The following KDM6A variants were observed in gnomAD, a reference collection of about 807,000 sequenced individuals.
KDM6A encodes the protein lysine-specific demethylase 6A.
KDM6A carries 11 observed loss-of-function variants against 117.6 expected under a neutral mutation model. The observed-to-expected ratio is 0.09, with a 90% CI of 0.06 to 0.15. The LOEUF (loss-of-function observed/expected upper bound fraction) is 0.15. KDM6A is among the 10% of genes least tolerant of loss of function. The probability of loss-of-function intolerance (pLI) is 1.00; values close to 1 mark genes in which losing one functional copy is unlikely to be tolerated. For synonymous variants in KDM6A, 384 were observed against 396.1 expected, an observed-to-expected ratio of 0.97 and a Z score of 0.36; for missense variants, 799 against 1,077.3, an observed-to-expected ratio of 0.74 and a Z score of 3.62.
At position 45,047,684 on chromosome X, in the gene KDM6A, T is replaced by C. The variant is rs547260536; in HGVS notation, c.655-4025T>C. Among the ~76,000 whole-genome samples, 16 of 66,274 alleles carry C rather than the reference T, an allele frequency of 2.4e-4. No homozygotes were observed. In the South Asian group the frequency reaches 2.7e-3, roughly 11 times the overall value. 57.6% of individuals were successfully genotyped at this position (66,274 alleles called of 115,157 possible). On this transcript the variant is annotated intron_variant, in intron 8 of 29. Transcript: ENST00000611820. ...GCTTGCTTTTTTTTTCTTTTTTTTT[T>C]TTTTTTTTTTTTTTTTTTTGACAGG...
At chrX:45,021,784 T>G (rs1446768965) in intron 6 of KDM6A, among the ~76,000 whole-genome samples, 2 of 111,539 alleles carry the variant, frequency 1.8e-5, no homozygotes, top group African/African-American at 6.5e-5. Context: ...TGGTTGAAGG[T>G]AAGTGCAGTC....
chrX:45,077,326 T>C (rs767328860), intron 19 of KDM6A, among the ~76,000 whole-genome samples: 3 of 111,371 alleles, frequency 2.7e-5, no homozygotes, highest in South Asian at 7.5e-4. Flanking sequence ...TATAGAAATA[T>C]AGGAATCTGA....
chrX:44,946,526 T>C (rs1290018736), intron 2 of KDM6A, among the ~76,000 whole-genome samples: 1 of 112,026 alleles, frequency 8.9e-6, no homozygotes, highest in Non-Finnish European at 1.9e-5. Context: ...TATACTAATT[T>C]TTTTTTTATA....
In KDM6A at chrX:44,925,238, G is replaced by A. The variant is rs146100685; in HGVS notation, c.226-36046G>A. ...CTTGTGAACTCTAAACTGCCTTGGC[G>A]TACCCAGATTCCCAGTCCATTTTTG... On this transcript the variant is annotated intron_variant, in intron 2 of 29. Transcript: ENST00000611820. Among the ~76,000 whole-genome samples, 942 of 110,812 alleles carry A rather than the reference G, an allele frequency of 8.5e-3. 11 individuals are homozygous for A. The highest frequency in any genetic ancestry group is 0.03 in the African/African-American group (907 of 30,430).
chrX:45,106,508 C>T (rs1322975171), intron 27 of KDM6A: 1 of 338,767 alleles, frequency 3.0e-6, no homozygotes, highest in South Asian at 2.7e-5. Flanking sequence ...TTCAAGACAA[C>T]ACTCAGTTGC....
chrX:44,983,663 G>A (rs2040027433), intron 4 of KDM6A, among the ~76,000 whole-genome samples: 1 of 105,904 alleles, frequency 9.4e-6, no homozygotes, highest in Non-Finnish European at 1.9e-5. Flanking sequence ...AACATGTGGT[G>A]TTTGGTTTTT....
At chrX:45,110,031 T>G (rs958430062) in intron 28 of KDM6A, 48 bp from the exon 29 acceptor site, 14 of 1,091,878 alleles carry the variant, frequency 1.3e-5, no homozygotes, top group Non-Finnish European at 1.6e-5. Flanking sequence ...AGCAGTACAG[T>G]AAATACCACT....
intron 8 of KDM6A, among the ~76,000 whole-genome samples, chrX:45,040,257 C>T (rs921231153): frequency 5.2e-5 from 5 of 95,959 alleles, no homozygotes; most frequent in South Asian, 5.5e-4. Context: ...GCGGCTGGCC[C>T]GGGGGGTGGG....
At chrX:45,040,386 C>A (rs866041914) in intron 8 of KDM6A, among the ~76,000 whole-genome samples, 2 of 90,493 alleles carry the variant, frequency 2.2e-5, no homozygotes, top group African/African-American at 8.3e-5. Context: ...GGGCGGCTGG[C>A]CAGGCGGGGG....
chrX:44,934,840 C>G (rs962701533), intron 2 of KDM6A, among the ~76,000 whole-genome samples: 2 of 110,755 alleles, frequency 1.8e-5, no homozygotes, highest in Non-Finnish European at 3.8e-5. Context: ...AGGAGTAGAT[C>G]CTATATAGAT....
chrX:44,988,197 A>G (rs1247257562), intron 4 of KDM6A, among the ~76,000 whole-genome samples: 2 of 111,996 alleles, frequency 1.8e-5, no homozygotes, highest in African/African-American at 3.2e-5. Context: ...CAGTTGATCA[A>G]ATCGGCTACT....
intron 27 of KDM6A, chrX:45,106,551 A>G (rs1281295409): frequency 5.8e-6 from 2 of 342,066 alleles, no homozygotes; most frequent in South Asian, 2.6e-5. Context: ...GGATATTTTC[A>G]TTGTCTCCGA....
At chrX:45,107,589 C>G (rs2148291029) in intron 28 of KDM6A, 53 bp downstream of exon 28, 1 of 1,155,458 alleles carries the variant, frequency 8.7e-7, no homozygotes, top group South Asian at 1.9e-5. Flanking sequence ...TCCCTCTCCA[C>G]TGTTGGTTTC....
chrX:45,062,724 G>T lies in KDM6A; in HGVS notation c.1659G>T (p.Gln553His), dbSNP rs750245702. Residue 553 changes from glutamine (Q) to histidine (H), a missense_variant, in exon 16 of 30, where the codon CAG (glutamine) becomes CAT (histidine). Gln to His is a conservative substitution (Grantham distance 24). Transcript: ENST00000611820. ...QKLMLEQLES[Q>H]FVLMQQHQMR... ...TGATGCTGGAACAGCTGGAAAGTCAGTTTGTCTTAATGCAACAACACCAAG... is the reference window on the plus strand; with the variant it reads ...TGATGCTGGAACAGCTGGAAAGTCATTTTGTCTTAATGCAACAACACCAAG... The T allele has an allele frequency of 4.2e-6, 5 of 1,195,331 alleles. No homozygotes were observed. Among genetic ancestry groups the T allele is most frequent in the African/African-American group, 3.5e-5 (2 of 57,077 alleles).
chrX:44,911,243 G>T (rs1210721546), intron 2 of KDM6A, among the ~76,000 whole-genome samples: 1 of 109,352 alleles, frequency 9.1e-6, no homozygotes, highest in East Asian at 3.0e-4. Flanking sequence ...GGCGGCTGCC[G>T]GGCGGAGGGG....
intron 2 of KDM6A, among the ~76,000 whole-genome samples, chrX:44,937,457 C>T (rs1029888010): frequency 8.9e-6 from 1 of 111,770 alleles, no homozygotes; most frequent in Non-Finnish European, 1.9e-5. Flanking sequence ...GTAATTCTCA[C>T]ACTATTTCAA....
chrX:45,095,595 A>C (rs1222338820), intron 27 of KDM6A, among the ~76,000 whole-genome samples: 1 of 111,806 alleles, frequency 8.9e-6, no homozygotes, highest in Non-Finnish European at 1.9e-5. Flanking sequence ...CTTCAAGTCT[A>C]GTAGTTCCTG....
At chrX:44,882,099 T>C (rs2032364453) in intron 2 of KDM6A, among the ~76,000 whole-genome samples, 1 of 112,200 alleles carries the variant, frequency 8.9e-6, no homozygotes, top group Admixed American at 9.5e-5. Flanking sequence ...TAATTCATTT[T>C]AGTTTAGAAC....
rs1406358896 is a variant in KDM6A, at chrX:44,958,903, AAT to A, written c.226-2377_226-2376del. On this transcript the variant is annotated intron_variant, in intron 2 of 29. Transcript: ENST00000611820. ...TGTTATCATTAGCCTTTTGAGTAAA[AAT>A]ATAAAAATTCTGTGTTTTATTGTAG... Among the ~76,000 whole-genome samples, 4 of 111,520 alleles carry A rather than the reference AAT, an allele frequency of 3.6e-5. No homozygotes were observed. The South Asian group carries it at 1.5e-3, about 41-fold the overall frequency.
Sources: allele counts gnomAD v4.1 joint callset (sites outside exome capture counted in the v4.1 genomes callset), GRCh38; gene constraint gnomAD v4.1.1; transcripts MANE v1.5; gene names NCBI Gene and HGNC (gene_info 2026-07-23, HGNC 2026-07-21).